UBE2E2: variants seen among roughly 807,000 people sequenced by gnomAD.
UBE2E2 encodes the protein ubiquitin conjugating enzyme E2 E2.
A neutral mutation model predicts 24.7 loss-of-function variants in UBE2E2; 6 were observed. The observed-to-expected ratio is 0.24, with a 90% confidence interval of 0.13 to 0.48. UBE2E2 has a LOEUF of 0.48. Among genes scored for constraint, UBE2E2 ranks in the 20% least tolerant of loss-of-function variants. The pLI is 0.99. For synonymous variants in UBE2E2, 104 were observed against 83.6 expected, an observed-to-expected ratio of 1.24 and a Z score of -1.33; for missense variants, 169 against 245.0, an observed-to-expected ratio of 0.69 and a Z score of 2.07.
chr3:23,291,928 G>A (rs1337592317), intron 3 of UBE2E2, among the ~76,000 whole-genome samples: 3 of 137,138 alleles, frequency 2.2e-5, no homozygotes, highest in Admixed American at 8.7e-5. Context: ...GCACGATCTC[G>A]GCTCACTGCA....
chr3:23,230,370 A>G (rs1209129276), intron 3 of UBE2E2, among the ~76,000 whole-genome samples: 1 of 152,218 alleles, frequency 6.6e-6, no homozygotes, highest in Non-Finnish European at 1.5e-5. Context: ...TTCAGTCCCG[A>G]TAGTTCAATG....
intron 4 of UBE2E2, among the ~76,000 whole-genome samples, chr3:23,516,695 T>A (rs1358935723): frequency 6.6e-6 from 1 of 152,186 alleles, no homozygotes; most frequent in African/African-American, 2.4e-5. Context: ...AATAGATTTA[T>A]TTTTATGACC....
At chr3:23,291,088 A>AC (rs1698754513) in intron 3 of UBE2E2, among the ~76,000 whole-genome samples, 1 of 148,426 alleles carries the variant, frequency 6.7e-6, no homozygotes, top group Non-Finnish European at 1.5e-5. Context: ...AAAACAAAAA[A>AC]CGTGAGCCTA....
chr3:23,581,757 C>G (rs981490694), intron 5 of UBE2E2, among the ~76,000 whole-genome samples: 3 of 152,116 alleles, frequency 2.0e-5, no homozygotes. Flanking sequence ...AAAAATTTTT[C>G]GTGTAATTTC....
chr3:23,458,181 C>G (rs981796440), intron 3 of UBE2E2, among the ~76,000 whole-genome samples: 1 of 151,974 alleles, frequency 6.6e-6, no homozygotes, highest in Non-Finnish European at 1.5e-5. Flanking sequence ...TTCATTTGAA[C>G]ACTTAGAGGC....
chr3:23,526,424 A>G (rs767624326), intron 4 of UBE2E2, among the ~76,000 whole-genome samples: 1 of 152,212 alleles, frequency 6.6e-6, no homozygotes, highest in Non-Finnish European at 1.5e-5. Flanking sequence ...ATAAGAGGTT[A>G]TAACCCCTCA....
At chr3:23,246,236 T>TTTTTTTTG in intron 3 of UBE2E2, among the ~76,000 whole-genome samples, 1 of 143,434 alleles carries the variant, frequency 7.0e-6, no homozygotes, top group Non-Finnish European at 1.5e-5. Context: ...TTTTTTTTTT[T>TTTTTTTTG]TCGAGATGGA....
intron 4 of UBE2E2, among the ~76,000 whole-genome samples, chr3:23,514,676 A>G (rs745821427): frequency 2.0e-5 from 3 of 151,976 alleles, no homozygotes; most frequent in Non-Finnish European, 4.4e-5. Flanking sequence ...CTGAGCAGAC[A>G]AGTTTGAGAA....
rs1329949470 is a variant in UBE2E2 at position 23,247,043 on chromosome 3, CAG to C, written c.227+29734_227+29735del. 5.3e-5 allele frequency among the ~76,000 whole-genome samples: 8 copies of C among 151,946 alleles called. No individual in the cohort carries two copies. The East Asian group carries it at 1.6e-3, about 30-fold the overall frequency. On this transcript the variant is annotated intron_variant, in intron 3 of 5. Coordinates refer to ENST00000396703, the MANE Select transcript of UBE2E2 (RefSeq NM_152653.4). ...TTAAAAACGTTTTTTATTGTAGAGA[CAG>C]AGTCTTGTTATGTTGCCCACGTTGG...
At chr3:23,361,399 T>C (rs1696110041) in intron 3 of UBE2E2, among the ~76,000 whole-genome samples, 1 of 152,132 alleles carries the variant, frequency 6.6e-6, no homozygotes, top group Non-Finnish European at 1.5e-5. Flanking sequence ...AGTAGCACAG[T>C]TTATAATTGC....
At chr3:23,339,279 A>G (rs574559196) in intron 3 of UBE2E2, among the ~76,000 whole-genome samples, 1 of 152,330 alleles carries the variant, frequency 6.6e-6, no homozygotes, top group East Asian at 1.9e-4. Flanking sequence ...CAACTGTGCC[A>G]GATTAAAGGA....
intron 5 of UBE2E2, among the ~76,000 whole-genome samples, chr3:23,549,759 G>A (rs748784516): frequency 2.6e-5 from 4 of 152,198 alleles, no homozygotes; most frequent in South Asian, 2.1e-4. Flanking sequence ...TCAACCGGGC[G>A]CGGTGGCTCA....
At chr3:23,479,865 G>A (rs1699219612) in intron 3 of UBE2E2, among the ~76,000 whole-genome samples, 1 of 152,150 alleles carries the variant, frequency 6.6e-6, no homozygotes, top group Non-Finnish European at 1.5e-5. Flanking sequence ...TGCTCAGAAT[G>A]GAGGCAGTAC....
chr3:23,315,466 CT>C (rs1322765582), intron 3 of UBE2E2, among the ~76,000 whole-genome samples: 8 of 152,138 alleles, frequency 5.3e-5, no homozygotes. Flanking sequence ...CTGCTGGATG[CT>C]TTTTAATTAT....
intron 3 of UBE2E2, among the ~76,000 whole-genome samples, chr3:23,268,608 G>A (rs914661436): frequency 1.1e-4 from 16 of 147,420 alleles, no homozygotes; most frequent in African/African-American, 4.1e-4. Flanking sequence ...AATCAATATC[G>A]TGAAAATGGC....
At chr3:23,253,565 T>C (rs1697637044) in intron 3 of UBE2E2, among the ~76,000 whole-genome samples, 1 of 152,206 alleles carries the variant, frequency 6.6e-6, no homozygotes, top group African/African-American at 2.4e-5. Context: ...TGTGCTTCAG[T>C]AGCAACAAAA....
intron 3 of UBE2E2, among the ~76,000 whole-genome samples, chr3:23,422,083 T>C (rs1038870056): frequency 1.3e-5 from 2 of 152,220 alleles, no homozygotes; most frequent in African/African-American, 4.8e-5. Flanking sequence ...TTTTGTTGTA[T>C]TGAATGAAGT....
intron 3 of UBE2E2, among the ~76,000 whole-genome samples, chr3:23,274,659 G>A (rs776804817): frequency 2.8e-4 from 42 of 152,142 alleles, no homozygotes; most frequent in Admixed American, 5.2e-4. Flanking sequence ...GAGCCATCGC[G>A]CCCAGCCTAA....
intron 3 of UBE2E2, among the ~76,000 whole-genome samples, chr3:23,388,411 G>C (rs1435786290): frequency 1.3e-5 from 2 of 152,050 alleles, no homozygotes; most frequent in Non-Finnish European, 2.9e-5. Flanking sequence ...TAATGAGACA[G>C]CTCTCTGTTA....
Sources: gnomAD v4.1 joint callset for allele counts (sites outside exome capture counted in the v4.1 genomes callset) on GRCh38, gnomAD v4.1.1 for gene constraint, MANE v1.5 for transcripts, NCBI Gene and HGNC (gene_info 2026-07-23, HGNC 2026-07-21) for gene names.